TBC1D14: variants seen among roughly 807,000 people sequenced by gnomAD.
TBC1D14 encodes TBC1 domain family member 14.
TBC1D14 carries 26 observed loss-of-function variants against 79.0 expected under a neutral mutation model. The ratio of observed to expected loss-of-function variants is 0.33; its 90% CI spans 0.24 to 0.46. The LOEUF is 0.46. Among genes scored for constraint, TBC1D14 ranks in the 20% least tolerant of loss-of-function variants. The pLI, the probability that TBC1D14 is intolerant of heterozygous loss-of-function variation, is 1.00. For synonymous variants in TBC1D14, 394 were observed against 349.9 expected (o/e 1.13, Z -1.40); for missense variants, 769 against 887.6 (o/e 0.87, Z 1.70).
intron 3 of TBC1D14, among the ~76,000 whole-genome samples, chr4:6,989,519 C>A (rs965668363): frequency 6.6e-6 from 1 of 152,218 alleles, no homozygotes; most frequent in Non-Finnish European, 1.5e-5. Context: ...TCCCCCTGGC[C>A]TCAGGCATCC....
chr4:6,918,391 C>G (rs1723573040), intron 1 of TBC1D14, among the ~76,000 whole-genome samples: 1 of 152,194 alleles, frequency 6.6e-6, no homozygotes, highest in Admixed American at 6.5e-5. Flanking sequence ...TAACCCGCAT[C>G]TCTTTTGTGG....
At chr4:6,911,840 C>T (rs1186630272) in intron 1 of TBC1D14, among the ~76,000 whole-genome samples, 4 of 152,136 alleles carry the variant, frequency 2.6e-5, no homozygotes, top group Non-Finnish European at 5.9e-5. Context: ...CCGTGCAGGT[C>T]GGGGGTTGCT....
chr4:6,992,286 G>A (rs1378052845), intron 3 of TBC1D14, among the ~76,000 whole-genome samples: 1 of 152,246 alleles, frequency 6.6e-6, no homozygotes, highest in African/African-American at 2.4e-5. Flanking sequence ...CCTAAGCCGT[G>A]TAGGACTCGG....
chr4:6,967,031 G>A (rs981915468), intron 2 of TBC1D14, among the ~76,000 whole-genome samples: 30 of 152,202 alleles, frequency 2.0e-4, no homozygotes, highest in Non-Finnish European at 4.1e-4. Flanking sequence ...GGATGGTCTC[G>A]ATCTCCTGAC....
chr4:6,917,161 C>T (rs533933301), intron 1 of TBC1D14, among the ~76,000 whole-genome samples: 1 of 152,308 alleles, frequency 6.6e-6, no homozygotes, highest in South Asian at 2.1e-4. Flanking sequence ...GAACATAATC[C>T]AGCTCTCAGC....
intron 2 of TBC1D14, among the ~76,000 whole-genome samples, chr4:6,938,640 A>G (rs1278878810): frequency 6.6e-6 from 1 of 152,162 alleles, no homozygotes; most frequent in Non-Finnish European, 1.5e-5. Flanking sequence ...CTGAGGATCC[A>G]CATCCCTAGA....
At chr4:7,005,822 G>C (rs938343141) in intron 8 of TBC1D14, among the ~76,000 whole-genome samples, 4 of 152,176 alleles carry the variant, frequency 2.6e-5, no homozygotes, top group Non-Finnish European at 5.9e-5. Context: ...CAGTACCCTG[G>C]TGTCTGGGAT....
At chr4:6,919,976 G>T (rs1465705869) in intron 1 of TBC1D14, among the ~76,000 whole-genome samples, 1 of 151,818 alleles carries the variant, frequency 6.6e-6, no homozygotes. Flanking sequence ...GTGCCGTGGC[G>T]CTGTCACAGC....
chr4:6,976,767 T>A (rs1307835344), intron 3 of TBC1D14, among the ~76,000 whole-genome samples: 1 of 152,162 alleles, frequency 6.6e-6, no homozygotes, highest in Admixed American at 6.5e-5. Context: ...TATTTTCCTT[T>A]TGTTTTAACT....
At chr4:6,943,940 G>A (rs1057076028) in intron 2 of TBC1D14, among the ~76,000 whole-genome samples, 6 of 152,174 alleles carry the variant, frequency 3.9e-5, no homozygotes, top group African/African-American at 1.2e-4. Flanking sequence ...CCAACAATTC[G>A]GTCTCCCATA....
chr4:7,014,413 A>G (rs757974112), intron 11 of TBC1D14, 35 bp from the exon 12 acceptor site: 21 of 1,430,048 alleles, frequency 1.5e-5, no homozygotes, highest in South Asian at 2.3e-5. Context: ...ACTTGTGCAG[A>G]TAGTTTCTGA....
intron 11 of TBC1D14, among the ~76,000 whole-genome samples, chr4:7,014,194 A>G (rs1393927940): frequency 2.0e-5 from 3 of 152,214 alleles, no homozygotes; most frequent in Non-Finnish European, 4.4e-5. Context: ...CAAGTTCCAT[A>G]ACTGCTTTGG....
chr4:7,031,832 G>C lies in TBC1D14; in HGVS notation c.*1440G>C, dbSNP rs979832811. On this transcript the variant is annotated 3_prime_UTR_variant, in exon 14 of 14. Coordinates refer to ENST00000409757, the MANE Select transcript of TBC1D14 (RefSeq NM_020773.3). ...CCAGGCTGATCTCATTTCTGATGTT[G>C]AGGGCTGTTTGGCTCTGTCTGTATA... 1 of 152,354 alleles carries C rather than the reference G, an allele frequency of 6.6e-6. No individual in the cohort carries two copies. The highest frequency in any genetic ancestry group is 1.5e-5 in the Non-Finnish European group (1 of 68,142). 9.4% of individuals were successfully genotyped at this position (152,354 alleles called of 1,614,324 possible). A position where few individuals can be genotyped will look rare whatever the true frequency, so the allele number is the denominator to read the frequency against.
chr4:6,928,969 C>G (rs1207874690), intron 2 of TBC1D14, among the ~76,000 whole-genome samples: 1 of 152,218 alleles, frequency 6.6e-6, no homozygotes, highest in African/African-American at 2.4e-5. Context: ...TTAGAATTAG[C>G]TCTAGTGACC....
At chr4:6,986,365 G>T (rs1717823711) in intron 3 of TBC1D14, among the ~76,000 whole-genome samples, 1 of 152,228 alleles carries the variant, frequency 6.6e-6, no homozygotes, top group African/African-American at 2.4e-5. Flanking sequence ...TATGGTAGGG[G>T]ATGCTGAATT....
intron 2 of TBC1D14, among the ~76,000 whole-genome samples, chr4:6,937,071 C>T (rs1349902424): frequency 6.6e-6 from 1 of 152,170 alleles, no homozygotes; most frequent in African/African-American, 2.4e-5. Flanking sequence ...GCATGTGCCA[C>T]TGCGCCCGGC....
intron 6 of TBC1D14, 93 bp downstream of exon 6, chr4:6,999,295 C>A (rs553896457): frequency 1.8e-6 from 2 of 1,107,406 alleles, no homozygotes; most frequent in African/African-American, 3.1e-5. Flanking sequence ...AGCAGTGACA[C>A]CCTGGATGCA....
intron 2 of TBC1D14, among the ~76,000 whole-genome samples, chr4:6,942,692 G>T (rs911106318): frequency 6.6e-6 from 1 of 152,266 alleles, no homozygotes; most frequent in African/African-American, 2.4e-5. Flanking sequence ...CGGGGAAGGC[G>T]GGTCAAAAGG....
chr4:6,993,356 A>G (rs1170266389), intron 3 of TBC1D14, among the ~76,000 whole-genome samples: 2 of 152,196 alleles, frequency 1.3e-5, no homozygotes, highest in African/African-American at 2.4e-5. Flanking sequence ...GAGTTCTTCC[A>G]GCTGGGCGTT....
Sources: gnomAD v4.1 joint callset for allele counts (sites outside exome capture counted in the v4.1 genomes callset) on GRCh38, gnomAD v4.1.1 for gene constraint, MANE v1.5 for transcripts, NCBI Gene and HGNC (gene_info 2026-07-23, HGNC 2026-07-21) for gene names.